EPC1: variants seen among roughly 807,000 people sequenced by gnomAD.
EPC1 encodes enhancer of polycomb 1, also known as enhancer of polycomb homolog 1.
A neutral mutation model predicts 98.4 loss-of-function variants in EPC1; 12 were observed. The observed-to-expected ratio is 0.12, with a 90% confidence interval of 0.08 to 0.20. The LOEUF (loss-of-function observed/expected upper bound fraction) is 0.20. Among genes scored for constraint, EPC1 ranks in the 10% least tolerant of loss-of-function variants. The probability of loss-of-function intolerance (pLI) is 1.00; values close to 1 mark genes in which losing one functional copy is unlikely to be tolerated. For missense variants in EPC1, 729 were observed against 990.5 expected (o/e 0.74, Z 3.54); for synonymous variants, 357 against 363.9 (o/e 0.98, Z 0.21).
intron 1 of EPC1, among the ~76,000 whole-genome samples, chr10:32,360,250 T>C (rs897247225): frequency 1.3e-5 from 2 of 152,222 alleles, no homozygotes; most frequent in African/African-American, 4.8e-5. Context: ...TTTCTATGTA[T>C]ATTTAGTAGT....
Position 32,268,978 on chromosome 10 carries a change from G to T in EPC1, c.*85C>A. The T allele has an allele frequency of 8.6e-7, 1 of 1,156,476 alleles. No homozygotes were observed. The allele number at this position is 1,156,476 out of a possible 1,614,324, so 71.6% of individuals were successfully genotyped here. A position where few individuals can be genotyped will look rare whatever the true frequency, so the allele number is the denominator to read the frequency against. On this transcript the variant is annotated 3_prime_UTR_variant, in exon 14 of 14. Coordinates refer to ENST00000319778, the MANE Select transcript of EPC1 (RefSeq NM_001272004.3). Reference sequence around the variant, plus strand: ...CAGCTGCCACAGAAACGCATGTGCTGCTTTCCATCATCCCTTGCATTCAAA... The same window carrying T: ...CAGCTGCCACAGAAACGCATGTGCTTCTTTCCATCATCCCTTGCATTCAAA...
chr10:32,326,995 C>T (rs73247726), intron 1 of EPC1, among the ~76,000 whole-genome samples: 3,939 of 38,240 alleles, frequency 0.1, 212 homozygotes, highest in African/African-American at 0.29. Context: ...GGAGAGGGTC[C>T]TCAAAAAAAA....
At chr10:32,323,480 TAACATG>T (rs1837062626) in intron 1 of EPC1, among the ~76,000 whole-genome samples, 2 of 152,218 alleles carry the variant, frequency 1.3e-5, no homozygotes, top group Admixed American at 1.3e-4. Flanking sequence ...CTATATTGTA[TAACATG>T]GTGTAAGGAA....
At chr10:32,282,152 AG>A (rs1364116398) in intron 10 of EPC1, 3 of 152,146 alleles carry the variant, frequency 2.0e-5, no homozygotes, top group Admixed American at 1.3e-4. Context: ...CTATCCTCTA[AG>A]TATTAGAAGA....
rs538635105 is a variant in EPC1, at chr10:32,269,055, G to A, written c.*8C>T. The A allele has an allele frequency of 1.2e-5, 19 of 1,612,804 alleles. No homozygotes were observed. The highest frequency in any genetic ancestry group is 4.0e-5 in the African/African-American group (3 of 74,950). ...AAGTCCCCAGGCTGCAGTTCCACTC[G>A]GAGGAAGCTACGTCACCTCCATCGC... On this transcript the variant is annotated 3_prime_UTR_variant, in exon 14 of 14. Transcript: ENST00000319778.
chr10:32,302,661 A>AG (rs1402134861), intron 2 of EPC1, among the ~76,000 whole-genome samples: 2 of 151,478 alleles, frequency 1.3e-5, no homozygotes, highest in East Asian at 3.9e-4. Context: ...AAAAAAAAAA[A>AG]AAAGGAGGGT....
At chr10:32,353,150 CAT>C (rs1839172898) in intron 1 of EPC1, among the ~76,000 whole-genome samples, 1 of 135,636 alleles carries the variant, frequency 7.4e-6, no homozygotes, top group African/African-American at 3.0e-5. Flanking sequence ...AGCACAACTC[CAT>C]TTCAAAAAAA....
intron 1 of EPC1, among the ~76,000 whole-genome samples, chr10:32,343,615 A>G (rs115463272): frequency 0.014 from 2,054 of 150,892 alleles, 45 homozygotes; most frequent in African/African-American, 0.047. Context: ...ATTTACCACA[A>G]TCTGAAGTTA....
chr10:32,320,068 G>A (rs11008878), intron 1 of EPC1, among the ~76,000 whole-genome samples: 1,996 of 152,236 alleles, frequency 0.013, 50 homozygotes, highest in African/African-American at 0.046. Flanking sequence ...ATATGAGAAA[G>A]AGAATAAAGC....
At chr10:32,355,842 C>T (rs768901619) in intron 1 of EPC1, among the ~76,000 whole-genome samples, 19 of 152,106 alleles carry the variant, frequency 1.2e-4, no homozygotes, top group Admixed American at 3.9e-4. Context: ...AACTCCAGAC[C>T]GCAGGTGATC....
At chr10:32,311,916 G>C (rs1322115031) in intron 1 of EPC1, among the ~76,000 whole-genome samples, 1 of 152,208 alleles carries the variant, frequency 6.6e-6, no homozygotes, top group African/African-American at 2.4e-5. Flanking sequence ...TGTAGTGTTA[G>C]ACTACTACTG....
chr10:32,298,912 AGGTATTGAAAAT>A (rs1411915981), intron 2 of EPC1, among the ~76,000 whole-genome samples: 38 of 152,292 alleles, frequency 2.5e-4, no homozygotes, highest in South Asian at 1.4e-3. Flanking sequence ...CTGTTCTGAG[AGGTATTGAAAAT>A]GTAGGTTCTA....
rs922583803 is a variant in EPC1 at position 32,291,332 on chromosome 10, T to C, written c.816-10A>G. ...GTCGCCCAAATTATACCTAAAATTA[T>C]ACAAATGAAAGTTTAAAATTATATA... is the stretch of plus-strand genomic sequence containing the variant. On this transcript the variant is annotated splice_polypyrimidine_tract_variant and intron_variant, in intron 5 of 13. Transcript: ENST00000319778. 5.0e-6 allele frequency: 8 copies of C among 1,597,104 alleles called. No homozygotes were observed. Among genetic ancestry groups the C allele is most frequent in the Non-Finnish European group, 5.1e-6 (6 of 1,170,126 alleles).
At chr10:32,329,369 CT>C in intron 1 of EPC1, among the ~76,000 whole-genome samples, 1 of 152,332 alleles carries the variant, frequency 6.6e-6, no homozygotes, top group Middle Eastern at 3.4e-3. Flanking sequence ...AAAAACAGAA[CT>C]TTGTTGCAAA....
chr10:32,296,885 C>A (rs1592563210), intron 2 of EPC1, among the ~76,000 whole-genome samples: 1 of 148,924 alleles, frequency 6.7e-6, no homozygotes, highest in Non-Finnish European at 1.5e-5. Context: ...CTAGCCTGGG[C>A]GACAGAGCAA....
intron 2 of EPC1, 145 bp from the exon 3 acceptor site, chr10:32,293,882 T>C: frequency 2.8e-6 from 2 of 725,822 alleles, no homozygotes; most frequent in Non-Finnish European, 2.2e-6. Flanking sequence ...GCAAACAATC[T>C]AAGCTTAGAT....
chr10:32,378,581 A>AG (rs1158773901), exon 1 of EPC1: 1 of 932,412 alleles, frequency 1.1e-6, no homozygotes, highest in Non-Finnish European at 1.6e-6. Context: ...AACAGCCTCC[A>AG]GGCAGCATAT....
chr10:32,328,503 A>G (rs1837438006), intron 1 of EPC1, among the ~76,000 whole-genome samples: 1 of 152,204 alleles, frequency 6.6e-6, no homozygotes, highest in Non-Finnish European at 1.5e-5. Context: ...TTTCTATAGG[A>G]AGCAGGTTGT....
chr10:32,323,546 T>A (rs556073174), intron 1 of EPC1, among the ~76,000 whole-genome samples: 1 of 152,330 alleles, frequency 6.6e-6, no homozygotes, highest in Non-Finnish European at 1.5e-5. Context: ...GGAAGGTATC[T>A]AAGTATATAA....
Sources: allele counts gnomAD v4.1 joint callset (sites outside exome capture counted in the v4.1 genomes callset), GRCh38; gene constraint gnomAD v4.1.1; transcripts MANE v1.5; gene names NCBI Gene and HGNC (gene_info 2026-07-23, HGNC 2026-07-21).